PBX4: variants seen among roughly 807,000 people sequenced by gnomAD.
PBX4 encodes pre-B-cell leukemia transcription factor 4.
A neutral mutation model predicts 35.1 loss-of-function variants in PBX4; 26 were observed. That is an observed-to-expected ratio of 0.74 (90% CI 0.54 to 1.03). The LOEUF (loss-of-function observed/expected upper bound fraction) is 1.03. PBX4 is among the 50% of genes least tolerant of loss of function. The pLI is 0.00. For missense variants in PBX4, 448 were observed against 504.3 expected, an observed-to-expected ratio of 0.89 and a Z score of 1.07; for synonymous variants, 199 against 204.2, an observed-to-expected ratio of 0.97 and a Z score of 0.22.
rs772125392 is a variant in PBX4, at chr19:19,565,068, T to C, written c.790A>G (p.Lys264Glu). Reference sequence around the variant, plus strand: ...ATGTTCTTTTTATACCGGATTCTTTTGTTGCCAAACCAGTTAGAGACCTGC... The same window carrying C: ...ATGTTCTTTTTATACCGGATTCTTTCGTTGCCAAACCAGTTAGAGACCTGC... ...ISQVSNWFGN[K>E]RIRYKKNMGK... is the part of the protein sequence containing the mutation. Residue 264 changes from lysine to glutamate, a missense_variant, in exon 6 of 8, where the codon AAA becomes GAA. Coordinates refer to ENST00000251203, the MANE Select transcript of PBX4 (RefSeq NM_025245.3). 6 of 1,614,254 alleles carry C rather than the reference T, an allele frequency of 3.7e-6. 1 individual carries two copies. In the South Asian group the frequency reaches 5.5e-5, roughly 15 times the overall value.
chr19:19,605,572 G>C (rs1292352837), intron 1 of PBX4, among the ~76,000 whole-genome samples: 1 of 151,812 alleles, frequency 6.6e-6, no homozygotes, highest in African/African-American at 2.4e-5. Flanking sequence ...GCTGCAGTGA[G>C]CTGTGATCAC....
chr19:19,580,116 C>T (rs1377125562), intron 2 of PBX4, among the ~76,000 whole-genome samples: 1 of 152,246 alleles, frequency 6.6e-6, no homozygotes, highest in Non-Finnish European at 1.5e-5. Flanking sequence ...CCTATAGTCA[C>T]AGCTTGCTCT....
rs1400034816 is a variant in PBX4, at chr19:19,563,189, C to T, written c.1032+320G>A. On this transcript the variant is annotated intron_variant, in intron 7 of 7. Coordinates refer to ENST00000251203, the MANE Select transcript of PBX4 (RefSeq NM_025245.3). This position sits in a 1 kb window ranked among gnomAD's most constrained non-coding sequence, Gnocchi z 5.1. ...CTGCTGGCTGCCTGCCCCTCCCTCT[C>T]GAGGGAAGGACACCATGTCCTCCCA... Among the ~76,000 whole-genome samples, 3 of 152,148 alleles carry T rather than the reference C, an allele frequency of 2.0e-5. No homozygotes were observed. The highest frequency in any genetic ancestry group is 4.8e-5 in the African/African-American group (2 of 41,438).
At chr19:19,588,544 T>C (rs988847566) in intron 2 of PBX4, 5 of 475,632 alleles carry the variant, frequency 1.1e-5, no homozygotes, top group African/African-American at 7.8e-5. Context: ...CCGAAAGTGC[T>C]GGCATTACAG....
rs1163211528 is a variant in PBX4, at chr19:19,563,158, C to T, written c.1032+351G>A. ...AGGGAAGGCCCCATCTCTCCTCCGG[C>T]CTCCTCTGCTGGCTGCCTGCCCCTC... On this transcript the variant is annotated intron_variant, in intron 7 of 7. Coordinates refer to ENST00000251203, the MANE Select transcript of PBX4 (RefSeq NM_025245.3). This position sits in a 1 kb window ranked among gnomAD's most constrained non-coding sequence, Gnocchi z 5.1. Among the ~76,000 whole-genome samples the T allele has an allele frequency of 2.6e-5, 4 of 152,304 alleles. No individual in the cohort carries two copies. In the East Asian group the frequency reaches 5.8e-4, roughly 22 times the overall value.
intron 2 of PBX4, among the ~76,000 whole-genome samples, chr19:19,582,400 C>T (rs1048554361): frequency 5.3e-5 from 8 of 152,106 alleles, no homozygotes; most frequent in Admixed American, 2.6e-4. Flanking sequence ...AGCTGGAAGT[C>T]GAGAGGAACA....
At chr19:19,615,245 G>A (rs2061682930) in intron 1 of PBX4, among the ~76,000 whole-genome samples, 1 of 150,842 alleles carries the variant, frequency 6.6e-6, no homozygotes, top group African/African-American at 2.4e-5. Flanking sequence ...TACTCAAGAA[G>A]CTGAGGTGTG....
At chr19:19,610,017 C>T (rs1294272401) in intron 1 of PBX4, among the ~76,000 whole-genome samples, 1 of 152,146 alleles carries the variant, frequency 6.6e-6, no homozygotes, top group Non-Finnish European at 1.5e-5. Context: ...GGTACTTGCT[C>T]CTTTGTGAAA....
rs770183438 is a variant in PBX4 at position 19,564,888 on chromosome 19, G to A, written c.925+45C>T. The stretch of plus-strand genomic sequence containing the variant: ...CCTCCCCAGATGCAGCTCAGTGGCC[G>A]TCCACATGGGTACAGATGACTGTCC... On this transcript the variant is annotated intron_variant, in intron 6 of 7. Transcript: ENST00000251203. The A allele has an allele frequency of 6.0e-5, 96 of 1,611,782 alleles. 2 individuals carry two copies. Among genetic ancestry groups the A allele is most frequent in the Admixed American group, 4.7e-4 (28 of 59,950 alleles).
At chr19:19,570,046 C>T (rs2061370990) in intron 4 of PBX4, 63 bp downstream of exon 4, 5 of 1,502,378 alleles carry the variant, frequency 3.3e-6, no homozygotes, top group Admixed American at 2.1e-5. Context: ...CCCAAGCCAG[C>T]ACTATTTCCC....
chr19:19,566,673 T>G (rs755018575), intron 5 of PBX4, among the ~76,000 whole-genome samples: 23 of 148,978 alleles, frequency 1.5e-4, no homozygotes, highest in Non-Finnish European at 3.0e-4. Context: ...TACAGGCACG[T>G]GCTACCAAGC....
intron 2 of PBX4, among the ~76,000 whole-genome samples, chr19:19,571,207 G>T (rs1034115871): frequency 6.6e-6 from 1 of 152,218 alleles, no homozygotes; most frequent in Non-Finnish European, 1.5e-5. Flanking sequence ...GGGCACCCAA[G>T]ATGCTGCATA....
chr19:19,606,578 G>A (rs536930346), intron 1 of PBX4: 1 of 152,338 alleles, frequency 6.6e-6, no homozygotes, highest in South Asian at 2.1e-4. Context: ...GGCTTGCGGT[G>A]ATTTCTTATA....
intron 2 of PBX4, among the ~76,000 whole-genome samples, chr19:19,577,003 G>A (rs138590034): frequency 2.0e-5 from 3 of 152,110 alleles, no homozygotes; most frequent in Non-Finnish European, 2.9e-5. Flanking sequence ...TGAGGCGGGC[G>A]AATCACTTAA....
In PBX4 at chr19:19,570,266, G is replaced by A. The variant is rs747266166; in HGVS notation, c.475C>T (p.Leu159Phe). The A allele has an allele frequency of 5.6e-6, 9 of 1,612,428 alleles. No individual in the cohort carries two copies. Among genetic ancestry groups the A allele is most frequent in the Non-Finnish European group, 7.6e-6 (9 of 1,179,008 alleles). Residue 159 changes from leucine (L) to phenylalanine (F), a missense_variant, in exon 4 of 8, where the codon CTC becomes TTC. Coordinates refer to ENST00000251203, the MANE Select transcript of PBX4 (RefSeq NM_025245.3). Reference sequence around the variant, plus strand: ...CTCATCCTGCTCTGCTCCTGGAGGAGGTTGGTGACGTGCGTGGTGAACTCA... The same window carrying A: ...CTCATCCTGCTCTGCTCCTGGAGGAAGTTGGTGACGTGCGTGGTGAACTCA... The part of the protein sequence containing the change: ...CREFTTHVTN[L>F]LQEQSRMRPV...
intron 1 of PBX4, among the ~76,000 whole-genome samples, chr19:19,614,361 C>T (rs1485832790): frequency 1.3e-5 from 2 of 151,456 alleles, no homozygotes; most frequent in Non-Finnish European, 2.9e-5. Context: ...TGGCCCGGCG[C>T]AGTGGCTCAC....
intron 2 of PBX4, among the ~76,000 whole-genome samples, chr19:19,587,803 T>C (rs541479998): frequency 1.3e-5 from 2 of 151,712 alleles, no homozygotes; most frequent in South Asian, 4.2e-4. Context: ...CACATATCAA[T>C]ATGGAGAACA....
At chr19:19,569,363 T>A (rs2061365456) in intron 5 of PBX4, 86 bp downstream of exon 5, 1 of 1,500,936 alleles carries the variant, frequency 6.7e-7, no homozygotes, top group African/African-American at 1.4e-5. Context: ...TCTGCACACA[T>A]TTAACAAACT....
chr19:19,602,312 C>A (rs1433370981), intron 1 of PBX4, among the ~76,000 whole-genome samples: 1 of 152,008 alleles, frequency 6.6e-6, no homozygotes, highest in South Asian at 2.1e-4. Flanking sequence ...GGTGACTCAG[C>A]GGAGAGGGAA....
Sources: allele counts gnomAD v4.1 joint callset (sites outside exome capture counted in the v4.1 genomes callset), GRCh38; gene constraint gnomAD v4.1.1; non-coding constraint Gnocchi (gnomAD v3.1); transcripts MANE v1.5; gene names NCBI Gene and HGNC (gene_info 2026-07-23, HGNC 2026-07-21).